Variants in EXOC6 observed in about 807,000 individuals in gnomAD.
The protein encoded by EXOC6 is exocyst complex component 6.
In EXOC6, 60 loss-of-function variants were observed where a neutral mutation model predicts 112.5. The observed-to-expected ratio is 0.53, with a 90% CI of 0.43 to 0.66. The LOEUF is 0.66. Among genes scored for constraint, EXOC6 ranks in the 30% least tolerant of loss-of-function variants. The pLI, the probability that EXOC6 is intolerant of heterozygous loss-of-function variation, is 0.00. For missense variants in EXOC6, 855 were observed against 957.1 expected (o/e 0.89, Z 1.41); for synonymous variants, 295 against 308.0 (o/e 0.96, Z 0.44).
In EXOC6 at chr10:92,935,102, TGAA is replaced by T. The variant is rs535611018; in HGVS notation, c.1140+676_1140+678del. On this transcript the variant is annotated intron_variant, in intron 11 of 21. Coordinates refer to ENST00000260762, the MANE Select transcript of EXOC6 (RefSeq NM_019053.6). ...ATTGATCATTGAGATTTTTAAAAAT[TGAA>T]GAAAGTTTGTTAGCTTATGTGATAT... Among the ~76,000 whole-genome samples the T allele has an allele frequency of 4.2e-3, 635 of 152,090 alleles. 8 individuals are homozygous for T. The highest frequency in any genetic ancestry group is 0.015 in the African/African-American group (611 of 41,554).
intron 1 of EXOC6, among the ~76,000 whole-genome samples, chr10:92,855,867 G>GT (rs1847575119): frequency 6.6e-6 from 1 of 151,334 alleles, no homozygotes; most frequent in Non-Finnish European, 1.5e-5. Flanking sequence ...TATTGTTTTT[G>GT]TTTTTTCTTT....
upstream of EXOC6, among the ~76,000 whole-genome samples, chr10:92,829,815 C>T (rs763138528): frequency 5.3e-5 from 8 of 152,228 alleles, no homozygotes; most frequent in Non-Finnish European, 8.8e-5. Context: ...CAAATCCCAC[C>T]GAAACCAAGA....
intron 18 of EXOC6, among the ~76,000 whole-genome samples, chr10:92,991,717 C>T (rs529986687): frequency 1.1e-4 from 14 of 126,228 alleles, no homozygotes; most frequent in Admixed American, 1.8e-4. Flanking sequence ...AAGATGATCA[C>T]GTTCTATTTC....
At chr10:92,884,764 C>T (rs1276699505) in intron 1 of EXOC6, among the ~76,000 whole-genome samples, 1 of 151,404 alleles carries the variant, frequency 6.6e-6, no homozygotes, top group East Asian at 1.9e-4. Flanking sequence ...AAAAAGATAC[C>T]CAAAATAGTG....
intron 20 of EXOC6, among the ~76,000 whole-genome samples, chr10:93,022,195 C>T (rs1225454324): frequency 6.6e-6 from 1 of 152,116 alleles, no homozygotes; most frequent in East Asian, 1.9e-4. Context: ...AGTATGTGCA[C>T]TTAGAGGGCA....
At chr10:92,938,359 T>C (rs1395717141) in intron 12 of EXOC6, among the ~76,000 whole-genome samples, 1 of 152,132 alleles carries the variant, frequency 6.6e-6, no homozygotes, top group Non-Finnish European at 1.5e-5. Context: ...GACTGAGTAT[T>C]AGGTCTATCT....
intron 5 of EXOC6, chr10:92,899,952 T>C (rs1023516554): frequency 4.1e-6 from 1 of 243,872 alleles, no homozygotes; most frequent in Non-Finnish European, 7.9e-6. Flanking sequence ...AAGGGCTAAG[T>C]GCATATTGTG....
intron 20 of EXOC6, among the ~76,000 whole-genome samples, chr10:93,032,837 G>A (rs1845331604): frequency 6.6e-6 from 1 of 152,138 alleles, no homozygotes; most frequent in Non-Finnish European, 1.5e-5. Flanking sequence ...AGGTGAGGTG[G>A]GCCACTTCAG....
At chr10:92,834,210 A>T (rs1464861617), upstream of EXOC6, among the ~76,000 whole-genome samples, 2 of 152,028 alleles carry the variant, frequency 1.3e-5, no homozygotes, top group East Asian at 1.9e-4. Flanking sequence ...CACATCCCAT[A>T]GCACATTTCA....
intron 19 of EXOC6, chr10:92,999,481 C>T (rs748533498): frequency 1.5e-5 from 4 of 269,290 alleles, no homozygotes; most frequent in Non-Finnish European, 2.9e-5. Context: ...ATGACATTGT[C>T]TGTATAAATA....
intron 4 of EXOC6, among the ~76,000 whole-genome samples, chr10:92,896,171 ATATATATATATTTTTTTTTT>A (rs1849792402): frequency 8.3e-4 from 21 of 25,222 alleles, no homozygotes; most frequent in Admixed American, 3.1e-3. Context: ...ATATATATAT[ATATATATATATTTTTTTTTT>A]TTTTTTTTTT....
At chr10:93,028,834 CAAA>C (rs59650538) in intron 20 of EXOC6, among the ~76,000 whole-genome samples, 22 of 79,164 alleles carry the variant, frequency 2.8e-4, no homozygotes, top group South Asian at 1.5e-3. Context: ...AACTCCATCT[CAAA>C]AAAAAAAAAA....
chr10:92,838,319 C>T (rs538827436), intron 1 of EXOC6, among the ~76,000 whole-genome samples: 9 of 152,316 alleles, frequency 5.9e-5, no homozygotes, highest in Admixed American at 2.0e-4. Context: ...CACCTCCTGA[C>T]TTTATACATG....
intron 13 of EXOC6, among the ~76,000 whole-genome samples, chr10:92,944,897 C>T (rs1354297261): frequency 3.3e-5 from 5 of 152,010 alleles, no homozygotes; most frequent in Admixed American, 6.5e-5. Flanking sequence ...CTCAGCCTTC[C>T]GAGTAGCTGG....
chr10:92,999,617 A>G (rs1306422604), intron 19 of EXOC6, among the ~76,000 whole-genome samples: 1 of 152,168 alleles, frequency 6.6e-6, no homozygotes, highest in Non-Finnish European at 1.5e-5. Flanking sequence ...TAAGAGAGAA[A>G]GATAACCACA....
At chr10:93,047,636 A>G (rs977251093) in intron 20 of EXOC6, among the ~76,000 whole-genome samples, 10 of 151,776 alleles carry the variant, frequency 6.6e-5, no homozygotes, top group African/African-American at 2.2e-4. Context: ...CTATTTGTCA[A>G]TAAATCAGAT....
intron 1 of EXOC6, among the ~76,000 whole-genome samples, chr10:92,849,322 T>C (rs1487993476): frequency 6.6e-6 from 1 of 152,194 alleles, no homozygotes; most frequent in Non-Finnish European, 1.5e-5. Flanking sequence ...CTTTTACTTA[T>C]TTACAAACAT....
chr10:93,009,933 C>G (rs752810137), intron 19 of EXOC6, among the ~76,000 whole-genome samples: 9 of 152,164 alleles, frequency 5.9e-5, no homozygotes, highest in Non-Finnish European at 8.8e-5. Flanking sequence ...GTAAATCCTA[C>G]TGGAAGAAGT....
chr10:92,936,018 T>C, intron 12 of EXOC6, 133 bp downstream of exon 12: 1 of 590,432 alleles, frequency 1.7e-6, no homozygotes, highest in South Asian at 2.2e-5. Flanking sequence ...TACATATTGA[T>C]ATTCTGCTAT....
Sources: gnomAD v4.1 joint callset for allele counts (sites outside exome capture counted in the v4.1 genomes callset) on GRCh38, gnomAD v4.1.1 for gene constraint, MANE v1.5 for transcripts, NCBI Gene and HGNC (gene_info 2026-07-23, HGNC 2026-07-21) for gene names.